LRP1B: variants seen among roughly 807,000 people sequenced by gnomAD.
LRP1B encodes LDL receptor related protein 1B.
Under a neutral mutation model 556.6 loss-of-function variants are expected in LRP1B, and 217 were observed. That is an observed-to-expected ratio of 0.39 (90% CI 0.35 to 0.44). The LOEUF is 0.44. Among genes scored for constraint, LRP1B ranks in the 20% least tolerant of loss-of-function variants. The probability of loss-of-function intolerance (pLI) is 1.00; values close to 1 mark genes in which losing one functional copy is unlikely to be tolerated. For synonymous variants in LRP1B, 2,047 were observed against 1,865.8 expected (o/e 1.10, Z -2.50); for missense variants, 5,053 against 5,620.8 (o/e 0.90, Z 3.23).
intron 41 of LRP1B, among the ~76,000 whole-genome samples, chr2:140,606,504 A>G (rs1461305201): frequency 6.6e-6 from 1 of 152,028 alleles, no homozygotes. Context: ...AGAAATTGAC[A>G]AGCTGACCTT....
chr2:141,834,594 G>A (rs1697208892), intron 1 of LRP1B, among the ~76,000 whole-genome samples: 1 of 151,806 alleles, frequency 6.6e-6, no homozygotes, highest in Admixed American at 6.6e-5. Flanking sequence ...GTTATTGAAG[G>A]CAATGATATG....
At chr2:140,588,038 T>C (rs377456261) in intron 43 of LRP1B, among the ~76,000 whole-genome samples, 69 of 151,806 alleles carry the variant, frequency 4.5e-4, no homozygotes, top group South Asian at 1.9e-3. Flanking sequence ...TGAAAGGAAA[T>C]TAAGATAATA....
intron 2 of LRP1B, among the ~76,000 whole-genome samples, chr2:141,586,532 T>C (rs941505857): frequency 3.3e-5 from 5 of 152,210 alleles, no homozygotes; most frequent in Admixed American, 2.6e-4. Context: ...AATCACAGTT[T>C]AATGCACTCT....
intron 49 of LRP1B, among the ~76,000 whole-genome samples, 182 bp from the exon 50 acceptor site, chr2:140,517,193 A>G (rs1432582501): frequency 1.3e-5 from 2 of 152,206 alleles, no homozygotes; most frequent in Non-Finnish European, 2.9e-5. Flanking sequence ...AAACTGTCCC[A>G]GAACAGAGAC....
intron 7 of LRP1B, among the ~76,000 whole-genome samples, chr2:141,093,526 T>C (rs748965071): frequency 6.6e-6 from 1 of 152,180 alleles, no homozygotes. Context: ...TGAAACACTG[T>C]TGTGTTTTGC....
chr2:140,325,251 G>T (rs1041629009), intron 80 of LRP1B, among the ~76,000 whole-genome samples: 2 of 152,012 alleles, frequency 1.3e-5, no homozygotes, highest in African/African-American at 4.8e-5. Flanking sequence ...GCATAAAACC[G>T]GTATAGCAAC....
intron 86 of LRP1B, among the ~76,000 whole-genome samples, chr2:140,262,043 A>G (rs149156317): frequency 6.7e-4 from 102 of 152,212 alleles, no homozygotes; most frequent in African/African-American, 2.3e-3. Context: ...GAGAACCTTT[A>G]CTAATTTCTC....
chr2:142,101,668 C>A (rs144248048), intron 1 of LRP1B, among the ~76,000 whole-genome samples: 4 of 151,888 alleles, frequency 2.6e-5, no homozygotes, highest in Non-Finnish European at 5.9e-5. Flanking sequence ...TAGACACAAC[C>A]TATCACTTAA....
intron 66 of LRP1B, among the ~76,000 whole-genome samples, chr2:140,398,072 T>C (rs1434948486): frequency 6.6e-6 from 1 of 152,186 alleles, no homozygotes; most frequent in Non-Finnish European, 1.5e-5. Context: ...TTTGTAATCA[T>C]ATCAATCAAT....
intron 26 of LRP1B, 116 bp downstream of exon 26, chr2:140,867,982 AT>A: frequency 1.6e-6 from 2 of 1,285,036 alleles, no homozygotes; most frequent in South Asian, 3.5e-5. Context: ...CAAAAAAAAA[AT>A]ACACCTCCAA....
intron 31 of LRP1B, 126 bp from the exon 32 acceptor site, chr2:140,813,932 A>T (rs926552446): frequency 7.5e-6 from 5 of 663,058 alleles, no homozygotes; most frequent in Non-Finnish European, 7.7e-6. Flanking sequence ...TACAAATAAG[A>T]TCTGGCTAAT....
chr2:140,750,868 G>C (rs1688551283), intron 35 of LRP1B, among the ~76,000 whole-genome samples: 1 of 151,850 alleles, frequency 6.6e-6, no homozygotes, highest in South Asian at 2.1e-4. Context: ...TAGATGTCTT[G>C]AAATGCTGCC....
chr2:141,671,655 G>GCTAA (rs1466128121), intron 2 of LRP1B, among the ~76,000 whole-genome samples: 2 of 152,038 alleles, frequency 1.3e-5, no homozygotes, highest in African/African-American at 2.4e-5. Context: ...TTTTTCTGAT[G>GCTAA]CTAACTCTGA....
chr2:141,722,780 C>T (rs554834094), intron 2 of LRP1B, among the ~76,000 whole-genome samples: 1 of 136,984 alleles, frequency 7.3e-6, no homozygotes, highest in Admixed American at 7.2e-5. Flanking sequence ...ATAGATAGAT[C>T]AATCTATCAC....
intron 3 of LRP1B, among the ~76,000 whole-genome samples, chr2:141,451,127 A>C (rs558944973): frequency 9.8e-5 from 15 of 152,318 alleles, no homozygotes; most frequent in African/African-American, 3.6e-4. Flanking sequence ...CTAATGCTGA[A>C]TATTGGTAAT....
intron 3 of LRP1B, among the ~76,000 whole-genome samples, chr2:141,406,825 T>C (rs79536051): frequency 0.091 from 13,826 of 152,120 alleles, 868 homozygotes; most frequent in South Asian, 0.17. Flanking sequence ...ATAACTTGTA[T>C]TAAATATTTG....
chr2:141,738,053 GA>G (rs759368053), intron 2 of LRP1B, among the ~76,000 whole-genome samples: 3,386 of 145,518 alleles, frequency 0.023, 127 homozygotes, highest in African/African-American at 0.08. Flanking sequence ...CAATCTCCAG[GA>G]AAAAAAAAAA....
At chr2:141,971,408 C>T (rs1701729534) in intron 1 of LRP1B, among the ~76,000 whole-genome samples, 2 of 151,432 alleles carry the variant, frequency 1.3e-5, no homozygotes, top group Non-Finnish European at 3.0e-5. Context: ...TCTTCGTACA[C>T]CCTTTGTTTT....
At chr2:142,010,294 C>T (rs186039457) in intron 1 of LRP1B, among the ~76,000 whole-genome samples, 2 of 152,118 alleles carry the variant, frequency 1.3e-5, no homozygotes, top group African/African-American at 4.8e-5. Flanking sequence ...AGGGTTCATG[C>T]CTGTAATCCT....
Sources: allele counts gnomAD v4.1 joint callset (sites outside exome capture counted in the v4.1 genomes callset), GRCh38; gene constraint gnomAD v4.1.1; transcripts MANE v1.5; gene names NCBI Gene and HGNC (gene_info 2026-07-23, HGNC 2026-07-21).